The following PIEZO1 variants were observed in gnomAD, a reference collection of about 807,000 sequenced individuals.
The protein encoded by PIEZO1 is piezo-type mechanosensitive ion channel component 1.
In PIEZO1, 296 loss-of-function variants were observed where a neutral mutation model predicts 297.2. The observed-to-expected ratio is 1.00, with a 90% confidence interval of 0.91 to 1.10. The LOEUF (loss-of-function observed/expected upper bound fraction) is 1.10, where lower values mean the gene tolerates loss of function less well. Among genes scored for constraint, PIEZO1 ranks in the 50% least tolerant of loss-of-function variants. PIEZO1 has a pLI of 0.00. For synonymous variants in PIEZO1, 2,427 were observed against 1,507.5 expected (o/e 1.61, Z -14.13); for missense variants, 5,018 against 3,455.5 (o/e 1.45, Z -11.34).
intron 1 of PIEZO1, among the ~76,000 whole-genome samples, chr16:88,752,305 A>AC (rs1906430051): frequency 6.6e-6 from 1 of 151,772 alleles, no homozygotes; most frequent in Non-Finnish European, 1.5e-5. Context: ...CAACACAGAG[A>AC]CCCCATCTCT....
intron 5 of PIEZO1, chr16:88,739,430 G>C (rs1905484772): frequency 6.6e-6 from 1 of 152,266 alleles, no homozygotes; most frequent in Admixed American, 6.5e-5. Flanking sequence ...CAGATGCCCT[G>C]GCTCTGGCCT....
chr16:88,751,740 C>CTTCTGAAG (rs948847905), intron 1 of PIEZO1, among the ~76,000 whole-genome samples: 3 of 152,054 alleles, frequency 2.0e-5, no homozygotes, highest in Non-Finnish European at 4.4e-5. Flanking sequence ...ACAGCAAAGG[C>CTTCTGAAG]TTCTGAAGTT....
At chr16:88,752,039 T>C (rs897507472) in intron 1 of PIEZO1, among the ~76,000 whole-genome samples, 1 of 152,236 alleles carries the variant, frequency 6.6e-6, no homozygotes, top group Non-Finnish European at 1.5e-5. Flanking sequence ...CACCAGACCC[T>C]GAGGCTGTGG....
intron 1 of PIEZO1, among the ~76,000 whole-genome samples, chr16:88,760,734 G>A (rs1363394753): frequency 9.4e-5 from 14 of 148,156 alleles, no homozygotes; most frequent in Non-Finnish European, 1.4e-4. Context: ...CAGGGGGCCC[G>A]GGACAGGCAG....
Position 88,716,675 on chromosome 16 carries a change from A to C in PIEZO1, c.6810T>G (p.Ile2270Met). The C allele has an allele frequency of 6.5e-7, 1 of 1,549,176 alleles. No individual in the cohort carries two copies. The highest frequency in any genetic ancestry group is 8.7e-7 in the Non-Finnish European group (1 of 1,146,922). The stretch of plus-strand genomic sequence containing the variant: ...GCCACAGCGCCCCGGAGCTGCCCTC[A>C]ATCTGCGCCGTGACGATGTCCTCAG... ...YSPEDIVTAQ[I>M]EGSSGALWRI... Residue 2270 changes from isoleucine (I) to methionine (M), a missense_variant, in exon 47 of 51, where the codon ATT (isoleucine) becomes ATG (methionine). By Grantham distance (10) the Ile-to-Met change is conservative. Coordinates refer to ENST00000301015, the MANE Select transcript of PIEZO1 (RefSeq NM_001142864.4).
chr16:88,743,137 G>C (rs1364891236), intron 2 of PIEZO1: 1 of 456,336 alleles, frequency 2.2e-6, no homozygotes. Context: ...CCAGCTGCCT[G>C]TGGCCCCACT....
chr16:88,717,448 C>CG, intron 44 of PIEZO1: 1 of 626,646 alleles, frequency 1.6e-6, no homozygotes, highest in Non-Finnish European at 2.9e-6. Context: ...TCAGTGGGAA[C>CG]GGACAACCTT....
At chr16:88,725,391 G>A (rs931455657) in intron 29 of PIEZO1, 25 bp downstream of exon 29, 4 of 1,338,352 alleles carry the variant, frequency 3.0e-6, no homozygotes, top group Non-Finnish European at 4.0e-6. Context: ...CGGGGCCCTG[G>A]GTGCCCGACT....
intron 2 of PIEZO1, 35 bp from the exon 3 acceptor site, chr16:88,742,457 G>A (rs1905746480): frequency 2.0e-6 from 3 of 1,528,700 alleles, no homozygotes; most frequent in East Asian, 2.4e-5. Context: ...CTGGTCCCGG[G>A]GACGGGGAGG....
rs1360960262 is a variant in PIEZO1, at chr16:88,719,736, G to A, written c.6324-15C>T. The A allele has an allele frequency of 5.2e-6, 8 of 1,550,322 alleles. No homozygotes were observed. Among genetic ancestry groups the A allele is most frequent in the African/African-American group, 2.7e-5 (2 of 73,028 alleles). ...CCAGCCGGAACCTGCCCACAGCCAG[G>A]GTTCCCGTCAGGTGGGCTCCCTCAT... On this transcript the variant is annotated splice_polypyrimidine_tract_variant and intron_variant, in intron 43 of 50. Coordinates refer to ENST00000301015, the MANE Select transcript of PIEZO1 (RefSeq NM_001142864.4).
chr16:88,726,148 C>T (rs1904407781), intron 27 of PIEZO1, 136 bp downstream of exon 27: 2 of 705,908 alleles, frequency 2.8e-6, no homozygotes, highest in Non-Finnish European at 2.3e-6. Flanking sequence ...CATTCTCCCT[C>T]TAGATGACAC....
At chr16:88,778,978 AG>A (rs1341933360) in intron 1 of PIEZO1, among the ~76,000 whole-genome samples, 1 of 150,836 alleles carries the variant, frequency 6.6e-6, no homozygotes, top group African/African-American at 2.4e-5. Flanking sequence ...CGCTGGGAAC[AG>A]GGGAGGACAG....
Position 88,733,260 on chromosome 16 carries a change from G to C in PIEZO1, c.2664+18C>G. On this transcript the variant is annotated intron_variant, in intron 19 of 50. Coordinates refer to ENST00000301015, the MANE Select transcript of PIEZO1 (RefSeq NM_001142864.4). ...TTGCCTGGAGCTTCCTCCCGTCCCA[G>C]CCCTCGGGGGCCGGTACCTCGGTGC... 2 of 1,532,704 alleles carry C rather than the reference G, an allele frequency of 1.3e-6. No individual in the cohort carries two copies. The highest frequency in any genetic ancestry group is 2.5e-5 in the East Asian group (1 of 40,406). 94.9% of individuals were successfully genotyped at this position (1,532,704 alleles called of 1,614,324 possible). A position where few individuals can be genotyped will look rare whatever the true frequency, so the allele number is the denominator to read the frequency against.
At chr16:88,768,899 G>C (rs1192033926) in intron 1 of PIEZO1, among the ~76,000 whole-genome samples, 1 of 152,268 alleles carries the variant, frequency 6.6e-6, no homozygotes, top group African/African-American at 2.4e-5. Context: ...AGCCAGAATA[G>C]CCATGGCCGG....
chr16:88,774,320 G>A (rs77303592), intron 1 of PIEZO1, among the ~76,000 whole-genome samples: 1,699 of 152,358 alleles, frequency 0.011, 34 homozygotes, highest in African/African-American at 0.038. Flanking sequence ...GAACCCGGGA[G>A]GCGGAGTTTG....
intron 1 of PIEZO1, among the ~76,000 whole-genome samples, chr16:88,774,405 T>C (rs1479056679): frequency 6.6e-6 from 1 of 151,960 alleles, no homozygotes; most frequent in Non-Finnish European, 1.5e-5. Context: ...AGTAAATAAA[T>C]AAAAATAACA....
chr16:88,764,182 G>C (rs1907059894), intron 1 of PIEZO1, among the ~76,000 whole-genome samples: 1 of 152,150 alleles, frequency 6.6e-6, no homozygotes, highest in Admixed American at 6.5e-5. Flanking sequence ...GCGGAGGGTG[G>C]GGCGGGGTAC....
rs897773962 is a variant in PIEZO1, at chr16:88,715,391, A to G, written c.*214T>C. 9.6e-7 allele frequency: 1 copy of G among 1,043,936 alleles called. No homozygotes were observed. The highest frequency in any genetic ancestry group is 1.4e-6 in the Non-Finnish European group (1 of 733,988). The allele number at this position is 1,043,936 out of a possible 1,614,324, so 64.7% of individuals were successfully genotyped here. ...ATTTTTTAATTAAAAAAAAAACTCTACAGTACACGTGGGGGACGGCAGCGC... is the reference window on the plus strand; with the variant it reads ...ATTTTTTAATTAAAAAAAAAACTCTGCAGTACACGTGGGGGACGGCAGCGC... On this transcript the variant is annotated 3_prime_UTR_variant, in exon 51 of 51. Coordinates refer to ENST00000301015, the MANE Select transcript of PIEZO1 (RefSeq NM_001142864.4).
In PIEZO1 at chr16:88,723,130, A is replaced by G. The variant is rs772085222; in HGVS notation, c.4460T>C (p.Val1487Ala). Residue 1487 changes from valine (V) to alanine (A), a missense_variant, in exon 33 of 51, where the codon GTG becomes GCG. Coordinates refer to ENST00000301015, the MANE Select transcript of PIEZO1 (RefSeq NM_001142864.4). ...CTCCTCGGGGCCCTCTGCTGGCTCC[A>G]CCTCCTGGCTGGGACCACCTCCTGG... The part of the protein sequence containing the change: ...LPTGGGPSQE[V>A]EPAEGPEEAA... 1 of 1,548,790 alleles carries G rather than the reference A, an allele frequency of 6.5e-7. No individual in the cohort carries two copies.
Sources: allele counts gnomAD v4.1 joint callset (sites outside exome capture counted in the v4.1 genomes callset), GRCh38; gene constraint gnomAD v4.1.1; transcripts MANE v1.5; gene names NCBI Gene and HGNC (gene_info 2026-07-23, HGNC 2026-07-21).